The following SHROOM4 variants were observed in gnomAD, a reference collection of about 807,000 sequenced individuals.
The protein encoded by SHROOM4 is shroom family member 4.
In SHROOM4, 17 loss-of-function variants were observed where a neutral mutation model predicts 80.3. The ratio of observed to expected loss-of-function variants is 0.21; its 90% CI spans 0.14 to 0.32. The LOEUF is 0.32. Ranked by LOEUF, SHROOM4 falls within the 10% of genes least tolerant of loss-of-function variation. The probability of loss-of-function intolerance (pLI) is 1.00; values close to 1 mark genes in which losing one functional copy is unlikely to be tolerated. For missense variants in SHROOM4, 993 were observed against 1,140.3 expected (o/e 0.87, Z 1.86); for synonymous variants, 400 against 437.5 (o/e 0.91, Z 1.07).
At chrX:50,652,281 G>A (rs1932122848) in intron 2 of SHROOM4, among the ~76,000 whole-genome samples, 1 of 112,152 alleles carries the variant, frequency 8.9e-6, no homozygotes, top group African/African-American at 3.2e-5. Flanking sequence ...CATTCTAACT[G>A]GAGTGAGATG....
At chrX:50,776,658 A>T (rs1248158215) in intron 1 of SHROOM4, among the ~76,000 whole-genome samples, 2 of 111,312 alleles carry the variant, frequency 1.8e-5, no homozygotes, top group Non-Finnish European at 3.8e-5. Context: ...TATCATTTAC[A>T]TATCTGCTAT....
At chrX:50,644,060 G>A (rs911280068) in intron 2 of SHROOM4, among the ~76,000 whole-genome samples, 28 of 111,541 alleles carry the variant, frequency 2.5e-4, no homozygotes, top group Admixed American at 2.3e-3. Flanking sequence ...TTATATAGCT[G>A]GGGGCAAGTG....
chrX:50,653,724 T>C (rs1932202495), intron 2 of SHROOM4, among the ~76,000 whole-genome samples: 1 of 111,817 alleles, frequency 8.9e-6, no homozygotes, highest in Admixed American at 9.5e-5. Flanking sequence ...GCTCTTACTA[T>C]TTTGAGATGT....
At chrX:50,703,024 A>C (rs1933561486) in intron 1 of SHROOM4, among the ~76,000 whole-genome samples, 1 of 111,668 alleles carries the variant, frequency 9.0e-6, no homozygotes, top group Non-Finnish European at 1.9e-5. Flanking sequence ...TCAAGGCAAA[A>C]CATTTCTCTT....
At chrX:50,652,292 G>A (rs1932124013) in intron 2 of SHROOM4, among the ~76,000 whole-genome samples, 1 of 112,040 alleles carries the variant, frequency 8.9e-6, no homozygotes, top group South Asian at 3.7e-4. Context: ...GAGTGAGATG[G>A]TATCTCATTG....
chrX:50,651,723 C>T (rs981360963), intron 2 of SHROOM4, among the ~76,000 whole-genome samples: 69 of 110,998 alleles, frequency 6.2e-4, no homozygotes, highest in Middle Eastern at 4.7e-3. Flanking sequence ...CTAATGCTAT[C>T]CCTCCCCTAG....
intron 4 of SHROOM4, among the ~76,000 whole-genome samples, chrX:50,629,479 GATA>G (rs1296854098): frequency 2.7e-5 from 3 of 111,598 alleles, no homozygotes; most frequent in Non-Finnish European, 5.6e-5. Context: ...GTATAATCAC[GATA>G]ATAATATTGC....
Position 50,634,794 on chromosome X carries a change from C to T in SHROOM4, c.1279G>A (p.Asp427Asn), listed in dbSNP as rs372264139. 3.3e-6 allele frequency: 4 copies of T among 1,209,878 alleles called. No homozygotes were observed. The African/African-American group carries it at 5.3e-5, about 16-fold the overall frequency. Residue 427 changes from aspartate to asparagine, a missense_variant, in exon 4 of 9, where the codon GAT (aspartate) becomes AAT (asparagine). Physicochemically the swap from Asp to Asn is conservative, Grantham distance 23. Coordinates refer to ENST00000376020, the MANE Select transcript of SHROOM4 (RefSeq NM_020717.5). ...LASHLQHVHL[D>N]TRGSKGMELP... ...TCCATCCCTTTGCTGCCCCTGGTAT[C>T]AAGGTGCACATGCTGCAGGTGGGAT...
intron 1 of SHROOM4, among the ~76,000 whole-genome samples, chrX:50,700,858 G>T (rs1602445023): frequency 8.9e-6 from 1 of 112,215 alleles, no homozygotes. Context: ...TTAAAAAGAT[G>T]TAAGTAGACC....
At chrX:50,765,470 G>C (rs17003196) in intron 1 of SHROOM4, among the ~76,000 whole-genome samples, 13,620 of 111,244 alleles carry the variant, frequency 0.12, 1,665 homozygotes, top group African/African-American at 0.38. Flanking sequence ...TTTTAGTCAT[G>C]TTGGTGGACT....
intron 2 of SHROOM4, among the ~76,000 whole-genome samples, chrX:50,669,030 C>T (rs1932762613): frequency 8.9e-6 from 1 of 112,240 alleles, no homozygotes. Context: ...ATGTACAAAC[C>T]TTGATGAAAG....
chrX:50,642,748 A>G (rs1457382407), intron 2 of SHROOM4, among the ~76,000 whole-genome samples: 1 of 112,225 alleles, frequency 8.9e-6, no homozygotes, highest in Non-Finnish European at 1.9e-5. Flanking sequence ...TACAGGCATG[A>G]GCCACCATGT....
chrX:50,613,403 T>G (rs1386789050), intron 5 of SHROOM4, among the ~76,000 whole-genome samples: 1 of 112,187 alleles, frequency 8.9e-6, no homozygotes, highest in Non-Finnish European at 1.9e-5. Flanking sequence ...CATGTGCCAC[T>G]GTGCGCAGCC....
chrX:50,665,570 G>C (rs1227574237), intron 2 of SHROOM4, among the ~76,000 whole-genome samples: 3 of 110,041 alleles, frequency 2.7e-5, no homozygotes, highest in African/African-American at 9.9e-5. Context: ...AACCAATTGA[G>C]GTGCTACAGA....
chrX:50,719,188 A>T, intron 1 of SHROOM4, among the ~76,000 whole-genome samples: 1 of 112,092 alleles, frequency 8.9e-6, no homozygotes, highest in Non-Finnish European at 1.9e-5. Context: ...GCTCCAATGT[A>T]GAGACGGGAA....
In SHROOM4 at chrX:50,593,439, G is replaced by A. The variant is rs1032153615; in HGVS notation, c.*3256C>T. On this transcript the variant is annotated 3_prime_UTR_variant, in exon 9 of 9. Coordinates refer to ENST00000376020, the MANE Select transcript of SHROOM4 (RefSeq NM_020717.5). ...ACAAATGCAGAAACAACAAGATTTGGAAAAAGAATAGCTTCACATGGGATA... is the reference window on the plus strand; with the variant it reads ...ACAAATGCAGAAACAACAAGATTTGAAAAAAGAATAGCTTCACATGGGATA... The A allele has an allele frequency of 3.6e-5, 4 of 111,814 alleles. No individual in the cohort carries two copies. Among genetic ancestry groups the A allele is most frequent in the Non-Finnish European group, 7.5e-5 (4 of 53,100 alleles). The allele number at this position is 111,814 out of a possible 1,213,427, so 9.2% of individuals were successfully genotyped here.
At chrX:50,616,216 C>A (rs1557250766) in intron 5 of SHROOM4, among the ~76,000 whole-genome samples, 1 of 111,900 alleles carries the variant, frequency 8.9e-6, no homozygotes, top group Non-Finnish European at 1.9e-5. Context: ...TACCTTGAAA[C>A]CTTTATGGTC....
At chrX:50,687,429 T>A (rs1933106029) in intron 2 of SHROOM4, among the ~76,000 whole-genome samples, 1 of 111,248 alleles carries the variant, frequency 9.0e-6, no homozygotes, top group African/African-American at 3.3e-5. Context: ...TATATTATTA[T>A]TTTAATTTTT....
At chrX:50,674,141 G>A (rs1932827634) in intron 2 of SHROOM4, among the ~76,000 whole-genome samples, 1 of 110,665 alleles carries the variant, frequency 9.0e-6, no homozygotes, top group African/African-American at 3.3e-5. Context: ...ATTAGAAGAC[G>A]CAATATAGTA....
Sources: allele counts gnomAD v4.1 joint callset (sites outside exome capture counted in the v4.1 genomes callset), GRCh38; gene constraint gnomAD v4.1.1; transcripts MANE v1.5; gene names NCBI Gene and HGNC (gene_info 2026-07-23, HGNC 2026-07-21).